IL17D: variants seen among roughly 807,000 people sequenced by gnomAD.
IL17D encodes the protein interleukin 17D, also known as interleukin-17D.
Under a neutral mutation model 5.7 loss-of-function variants are expected in IL17D, and 10 were observed. The ratio of observed to expected loss-of-function variants is 1.75; its 90% CI spans 1.08 to 2.97. The LOEUF is 2.97. IL17D is among the 30% of genes most tolerant of loss of function. IL17D has a pLI of 0.00. For synonymous variants in IL17D, 172 were observed against 141.7 expected (o/e 1.21, Z -1.52); for missense variants, 354 against 292.7 (o/e 1.21, Z -1.53).
intron 1 of IL17D, among the ~76,000 whole-genome samples, chr13:20,720,383 G>A (rs1036464352): frequency 2.0e-5 from 3 of 152,136 alleles, no homozygotes; most frequent in African/African-American, 7.2e-5. Context: ...ACTCTTTCTC[G>A]TTGTACTTCC....
chr13:20,704,614 C>A (rs1263422063), intron 1 of IL17D, among the ~76,000 whole-genome samples: 1 of 152,072 alleles, frequency 6.6e-6, no homozygotes, highest in Non-Finnish European at 1.5e-5. Context: ...ACCCCCACCA[C>A]CTCCCTTGAA....
Position 20,703,941 on chromosome 13 carries a change from G to A in IL17D, c.-61G>A, listed in dbSNP as rs1039946073. ...CGCCGCGGGCGGGACACGGGCGCGGGGCGCAGGCGGGCTCCTCCGGCGCGT... is the reference window on the plus strand; with the variant it reads ...CGCCGCGGGCGGGACACGGGCGCGGAGCGCAGGCGGGCTCCTCCGGCGCGT... On this transcript the variant is annotated 5_prime_UTR_variant, in exon 1 of 2. Transcript: ENST00000682841. The A allele has an allele frequency of 1.1e-6, 1 of 924,310 alleles. No homozygotes were observed. The highest frequency in any genetic ancestry group is 1.3e-6 in the Non-Finnish European group (1 of 773,524). The allele number at this position is 924,310 out of a possible 1,614,324, so 57.3% of individuals were successfully genotyped here.
chr13:20,715,271 G>GA (rs1240787013), intron 1 of IL17D, among the ~76,000 whole-genome samples: 1 of 151,702 alleles, frequency 6.6e-6, no homozygotes, highest in Non-Finnish European at 1.5e-5. Context: ...GGGGGTGGGG[G>GA]GGACACTGAT....
intron 1 of IL17D, among the ~76,000 whole-genome samples, chr13:20,710,638 AAAAAAAAAAAAAAAG>A (rs1355689280): frequency 2.0e-5 from 3 of 148,828 alleles, no homozygotes; most frequent in African/African-American, 7.4e-5. Flanking sequence ...TAAAAAAAAA[AAAAAAAAAAAAAAAG>A]AAACCCCAAA....
chr13:20,712,184 T>C (rs1038961797), intron 1 of IL17D, among the ~76,000 whole-genome samples: 1 of 152,258 alleles, frequency 6.6e-6, no homozygotes, highest in African/African-American at 2.4e-5. Flanking sequence ...TTCGCATCAC[T>C]TTCTCTCCAT....
chr13:20,709,633 G>A (rs1424081249), intron 1 of IL17D, among the ~76,000 whole-genome samples: 1 of 152,218 alleles, frequency 6.6e-6, no homozygotes, highest in Non-Finnish European at 1.5e-5. Context: ...CGTGGGTTCT[G>A]TGTGCGTCTT....
intron 1 of IL17D, among the ~76,000 whole-genome samples, chr13:20,711,858 C>CGCCT (rs2058640567): frequency 6.6e-6 from 1 of 152,082 alleles, no homozygotes; most frequent in Non-Finnish European, 1.5e-5. Context: ...CCTGAATGAC[C>CGCCT]GCCTATAGGC....
chr13:20,704,096 C>G lies in IL17D; in HGVS notation c.95C>G (p.Ala32Gly). ...GRRPARPRGC[A>G]DRPEELLEQL... Reference sequence around the variant, plus strand: ...CGCCCCGCGCGGCCGCGGGGCTGCGCGGACCGGCCGGAGGAGCTACTGGAG... The same window carrying G: ...CGCCCCGCGCGGCCGCGGGGCTGCGGGGACCGGCCGGAGGAGCTACTGGAG... The change falls in exon 1 of 2, where the codon GCG becomes GGG. Residue 32 changes from alanine (A) to glycine (G), a missense_variant. By Grantham distance (60) the Ala-to-Gly change is moderately conservative. Coordinates refer to ENST00000682841, the MANE Select transcript of IL17D (RefSeq NM_001385224.1). 8.0e-7 allele frequency: 1 copy of G among 1,242,630 alleles called. No individual in the cohort carries two copies. Among genetic ancestry groups the G allele is most frequent in the East Asian group, 4.3e-5 (1 of 23,304 alleles). The allele number at this position is 1,242,630 out of a possible 1,614,324, so 77.0% of individuals were successfully genotyped here. A position where few individuals can be genotyped will look rare whatever the true frequency, so the allele number is the denominator to read the frequency against.
At chr13:20,707,999 A>G (rs1177610822) in intron 1 of IL17D, among the ~76,000 whole-genome samples, 1 of 152,174 alleles carries the variant, frequency 6.6e-6, no homozygotes, top group Non-Finnish European at 1.5e-5. Context: ...TACAACCTCC[A>G]TCTCCTGGGT....
intron 1 of IL17D, among the ~76,000 whole-genome samples, chr13:20,708,974 A>T (rs1014841373): frequency 7.6e-5 from 11 of 144,604 alleles, no homozygotes; most frequent in Non-Finnish European, 1.5e-4. Context: ...AAAAAAAAAA[A>T]AAAAGAAAGA....
Position 20,704,307 on chromosome 13 carries a change from G to C in IL17D, c.290+16G>C. On this transcript the variant is annotated intron_variant, in intron 1 of 1. Coordinates refer to ENST00000682841, the MANE Select transcript of IL17D (RefSeq NM_001385224.1). ...GGGCCTACAGGTGAGCCGCGGGCGC[G>C]TCCTGGCGGGGCCCGGCAGGTGGGG... The C allele has an allele frequency of 1.7e-6, 2 of 1,184,258 alleles. No homozygotes were observed. Among genetic ancestry groups the C allele is most frequent in the Non-Finnish European group, 2.1e-6 (2 of 958,892 alleles). 73.4% of individuals were successfully genotyped at this position (1,184,258 alleles called of 1,614,324 possible). A position where few individuals can be genotyped will look rare whatever the true frequency, so the allele number is the denominator to read the frequency against.
Position 20,720,987 on chromosome 13 carries a change from C to T in IL17D, c.291-649C>T, listed in dbSNP as rs1024336266. Among the ~76,000 whole-genome samples, 7 of 151,952 alleles carry T rather than the reference C, an allele frequency of 4.6e-5. No homozygotes were observed. In the East Asian group the frequency reaches 1.4e-3, roughly 29 times the overall value. ...ATTTCTAGACTCTTCACCTCCCAGG[C>T]GTGCTCTAGTCCCTCAGACACAAAC... On this transcript the variant is annotated intron_variant, in intron 1 of 1. Transcript: ENST00000682841.
intron 1 of IL17D, among the ~76,000 whole-genome samples, chr13:20,707,229 G>A (rs937583522): frequency 2.0e-5 from 3 of 152,032 alleles, no homozygotes; most frequent in Non-Finnish European, 4.4e-5. Context: ...CTCAGGAGGC[G>A]GAGGTGGGAG....
At position 20,723,012 on chromosome 13, in the gene IL17D, T is replaced by A. The variant is rs2058749672; in HGVS notation, c.*1058T>A. The stretch of plus-strand genomic sequence containing the variant: ...CGAGAGCTAGGTCCTTGATCTTTTC[T>A]TTAGATTGAAAGTCTGTCTCTGAAC... On this transcript the variant is annotated 3_prime_UTR_variant, in exon 2 of 2. Coordinates refer to ENST00000682841, the MANE Select transcript of IL17D (RefSeq NM_001385224.1). 6.6e-6 allele frequency: 1 copy of A among 152,224 alleles called. No homozygotes were observed. Among genetic ancestry groups the A allele is most frequent in the South Asian group, 2.1e-4 (1 of 4,834 alleles). The allele number at this position is 152,224 out of a possible 1,614,324, so 9.4% of individuals were successfully genotyped here.
At position 20,721,926 on chromosome 13, in the gene IL17D, G is replaced by T. The variant is rs1307451100; in HGVS notation, c.581G>T (p.Gly194Val). The T allele has an allele frequency of 1.9e-6, 3 of 1,600,786 alleles. No individual in the cohort carries two copies. The highest frequency in any genetic ancestry group is 2.6e-6 in the Non-Finnish European group (3 of 1,176,342). Residue 194 changes from glycine (G) to valine (V), a missense_variant, in exon 2 of 2, where the codon GGC (glycine) becomes GTC (valine). Physicochemically the swap from Gly to Val is moderately radical, Grantham distance 109. Transcript: ENST00000682841. ...AAACAGGGCGCCAAGCTCCTGCTGG[G>T]CCCCAACGACGCGCCCGCTGGCCCC... ...IDKQGAKLLL[G>V]PNDAPAGP
rs1394213408 is a variant in IL17D at position 20,721,745 on chromosome 13, G to A, written c.400G>A (p.Ala134Thr). 3.7e-6 allele frequency: 6 copies of A among 1,610,326 alleles called. No homozygotes were observed. Among genetic ancestry groups the A allele is most frequent in the African/African-American group, 2.7e-5 (2 of 74,904 alleles). ...CGAGGAGGACGTGCGCTTCCGCAGC[G>A]CCCCTGTCTACATGCCCACCGTCGT... The part of the protein sequence containing the change: ...FGEEDVRFRS[A>T]PVYMPTVVLR... The change falls in exon 2 of 2, where the codon GCC (alanine) becomes ACC (threonine). Residue 134 changes from alanine to threonine, a missense_variant. Ala to Thr is a moderately conservative substitution (Grantham distance 58, BLOSUM62 0). Coordinates refer to ENST00000682841, the MANE Select transcript of IL17D (RefSeq NM_001385224.1).
chr13:20,710,868 C>G (rs1338908708), intron 1 of IL17D, among the ~76,000 whole-genome samples: 1 of 152,172 alleles, frequency 6.6e-6, no homozygotes, highest in Non-Finnish European at 1.5e-5. Context: ...GTAAACAACT[C>G]TATGGATAGC....
chr13:20,702,095 G>T (rs1028200246), upstream of IL17D: 1 of 152,012 alleles, frequency 6.6e-6, no homozygotes, highest in Non-Finnish European at 1.5e-5. Flanking sequence ...AGCCTCCCAC[G>T]CTTCCTTTTT....
Position 20,721,771 on chromosome 13 carries a change from C to T in IL17D, c.426C>T (p.Val142=). The T allele has an allele frequency of 6.2e-7, 1 of 1,609,696 alleles. No homozygotes were observed. Among genetic ancestry groups the T allele is most frequent in the Non-Finnish European group, 8.5e-7 (1 of 1,179,740 alleles). ...RSAPVYMPTV[V]LRRTPACAGG... ...CCCCTGTCTACATGCCCACCGTCGT[C>T]CTGCGCCGCACCCCCGCCTGCGCCG... is the stretch of plus-strand genomic sequence containing the variant. The change falls in exon 2 of 2, where the codon GTC becomes GTT. Residue 142 remains valine (V), a synonymous_variant. Coordinates refer to ENST00000682841, the MANE Select transcript of IL17D (RefSeq NM_001385224.1).
Sources: gnomAD v4.1 joint callset for allele counts (sites outside exome capture counted in the v4.1 genomes callset) on GRCh38, gnomAD v4.1.1 for gene constraint, MANE v1.5 for transcripts, NCBI Gene and HGNC (gene_info 2026-07-23, HGNC 2026-07-21) for gene names.